The following ZFAND4 variants were observed in gnomAD, a reference collection of about 807,000 sequenced individuals.
ZFAND4 encodes zinc finger AN1-type containing 4, also known as AN1-type zinc finger protein 4.
Under a neutral mutation model 64.4 loss-of-function variants are expected in ZFAND4, and 43 were observed. The ratio of observed to expected loss-of-function variants is 0.67; its 90% CI spans 0.52 to 0.86. The LOEUF is 0.86. Among genes scored for constraint, ZFAND4 ranks in the 40% least tolerant of loss-of-function variants. The pLI is 0.00. For missense variants in ZFAND4, 929 were observed against 859.8 expected (o/e 1.08, Z -1.01); for synonymous variants, 296 against 305.7 (o/e 0.97, Z 0.33).
chr10:45,671,420 G>A (rs1041117478), intron 1 of ZFAND4, among the ~76,000 whole-genome samples: 1 of 152,134 alleles, frequency 6.6e-6, no homozygotes, highest in Admixed American at 6.5e-5. Context: ...GCAAAGACTT[G>A]GAACCAACCC....
At chr10:45,636,041 C>T (rs1356877093) in intron 6 of ZFAND4, among the ~76,000 whole-genome samples, 2 of 151,652 alleles carry the variant, frequency 1.3e-5, no homozygotes, top group African/African-American at 4.8e-5. Context: ...ATGCAAAAAT[C>T]CTAAAGAAAA....
intron 1 of ZFAND4, among the ~76,000 whole-genome samples, 167 bp downstream of exon 1, chr10:45,672,083 A>G (rs2049236225): frequency 6.6e-6 from 1 of 152,222 alleles, no homozygotes; most frequent in African/African-American, 2.4e-5. Context: ...ACACAGATCT[A>G]CATTTACTGA....
intron 6 of ZFAND4, among the ~76,000 whole-genome samples, chr10:45,635,195 C>CAAAAAAAAAAAAAAAAAAAA (rs1173808756): frequency 2.5e-4 from 7 of 27,584 alleles, no homozygotes; most frequent in African/African-American, 3.4e-4. Context: ...GCCATCTAAG[C>CAAAAAAAAAAAAAAAAAAAA]AAAAAAAAAA....
Position 45,626,214 on chromosome 10 carries a change from T to A in ZFAND4, c.1609A>T (p.Arg537Ter). ...TCAACTTTGGAAATAACATCAGATC[T>A]TTTCCCAAGTGAATCAACTTTAACA... ...QGVKVDSLGKRSDVISKVEAR... is the reference protein window; with the variant it reads ...QGVKVDSLGK Residue 537 changes from arginine to a stop codon, truncating the protein, a stop_gained, in exon 7 of 10, where the codon AGA (arginine) becomes TGA (stop). Transcript: ENST00000344646. LOFTEE classifies it high-confidence loss of function. 6.2e-7 allele frequency: 1 copy of A among 1,614,186 alleles called. No homozygotes were observed. Among genetic ancestry groups the A allele is most frequent in the Non-Finnish European group, 8.5e-7 (1 of 1,180,028 alleles).
chr10:45,619,876 C>A (rs2133509220), intron 8 of ZFAND4, among the ~76,000 whole-genome samples: 1 of 152,288 alleles, frequency 6.6e-6, no homozygotes, highest in South Asian at 2.1e-4. Context: ...TAAACGTTTT[C>A]TTTCTCAAGT....
chr10:45,644,015 A>C (rs2047206587), intron 5 of ZFAND4, among the ~76,000 whole-genome samples: 1 of 152,236 alleles, frequency 6.6e-6, no homozygotes, highest in African/African-American at 2.4e-5. Context: ...ATATTCACCC[A>C]ATCATGTATT....
At chr10:45,637,876 C>T (rs1366844384) in intron 6 of ZFAND4, among the ~76,000 whole-genome samples, 2 of 152,058 alleles carry the variant, frequency 1.3e-5, no homozygotes, top group Non-Finnish European at 2.9e-5. Flanking sequence ...TATCTGCAAC[C>T]CATATATCTG....
chr10:45,627,010 G>T lies in ZFAND4; in HGVS notation c.813C>A (p.Val271=). ...AACAAGATTGACCAATGTTGGGGAG[G>T]ACCCTTAACAATCGGTGGCGAGATG... is the stretch of plus-strand genomic sequence containing the variant. ...TAPSRHRLLR[V]LPNIGQSCSP... is the part of the protein sequence containing the mutation. The change falls in exon 7 of 10, where the codon GTC becomes GTA. Residue 271 remains valine (V), a synonymous_variant. Coordinates refer to ENST00000344646, the MANE Select transcript of ZFAND4 (RefSeq NM_174890.4). 1 of 1,611,488 alleles carries T rather than the reference G, an allele frequency of 6.2e-7. No individual in the cohort carries two copies. Among genetic ancestry groups the T allele is most frequent in the African/African-American group, 1.3e-5 (1 of 75,016 alleles).
intron 1 of ZFAND4, among the ~76,000 whole-genome samples, chr10:45,671,765 G>C (rs978184577): frequency 4.6e-5 from 7 of 151,444 alleles, no homozygotes; most frequent in African/African-American, 1.7e-4. Flanking sequence ...AAACCAACAT[G>C]GCACATGTAT....
intron 5 of ZFAND4, among the ~76,000 whole-genome samples, chr10:45,643,716 C>T (rs1035498404): frequency 1.3e-5 from 2 of 148,330 alleles, no homozygotes; most frequent in African/African-American, 4.9e-5. Context: ...GCATGATCCA[C>T]TAAAAAGATT....
intron 5 of ZFAND4, among the ~76,000 whole-genome samples, chr10:45,644,918 G>A (rs2047267630): frequency 6.6e-6 from 1 of 151,158 alleles, no homozygotes; most frequent in South Asian, 2.1e-4. Context: ...ATGGGGTGAT[G>A]TGTGAAACAG....
intron 5 of ZFAND4, among the ~76,000 whole-genome samples, chr10:45,647,627 T>C (rs2047476406): frequency 6.6e-6 from 1 of 152,082 alleles, no homozygotes. Context: ...TATCTTTTTA[T>C]AACATCACCA....
At chr10:45,638,894 G>GT (rs2046804047) in intron 6 of ZFAND4, among the ~76,000 whole-genome samples, 1 of 152,130 alleles carries the variant, frequency 6.6e-6, no homozygotes, top group South Asian at 2.1e-4. Context: ...TAGGAAAAAC[G>GT]TATTTACGGT....
chr10:45,643,445 C>T (rs1165921360), intron 5 of ZFAND4, among the ~76,000 whole-genome samples: 2 of 151,014 alleles, frequency 1.3e-5, no homozygotes, highest in Non-Finnish European at 3.0e-5. Flanking sequence ...CCGAGGTGGG[C>T]GGATCACCAG....
chr10:45,635,628 C>T (rs2046548102), intron 6 of ZFAND4, among the ~76,000 whole-genome samples: 1 of 152,076 alleles, frequency 6.6e-6, no homozygotes, highest in Non-Finnish European at 1.5e-5. Flanking sequence ...GTTCATAGCA[C>T]CATTATTCAC....
Position 45,626,129 on chromosome 10 carries a change from T to C in ZFAND4, c.1694A>G (p.Asn565Ser), listed in dbSNP as rs1471456091. ...KASKEPVGCV[N>S]NISFLASLAG... Reference sequence around the variant, plus strand: ...CAGTGAGGCAAGAAAACTGATATTATTTACACAACCAACAGGCTCTTTGGA... The same window carrying C: ...CAGTGAGGCAAGAAAACTGATATTACTTACACAACCAACAGGCTCTTTGGA... Residue 565 changes from asparagine (N) to serine (S), a missense_variant, in exon 7 of 10, where the codon AAT (asparagine) becomes AGT (serine). Asn to Ser is a conservative substitution (Grantham distance 46). Coordinates refer to ENST00000344646, the MANE Select transcript of ZFAND4 (RefSeq NM_174890.4). The C allele has an allele frequency of 6.2e-7, 1 of 1,614,136 alleles. No individual in the cohort carries two copies. Among genetic ancestry groups the C allele is most frequent in the South Asian group, 1.1e-5 (1 of 91,084 alleles).
chr10:45,625,712 T>C (rs1455564924), intron 7 of ZFAND4, among the ~76,000 whole-genome samples: 2 of 152,166 alleles, frequency 1.3e-5, no homozygotes, highest in South Asian at 2.1e-4. Flanking sequence ...TATACATACA[T>C]ATCTGATAAA....
At chr10:45,661,302 C>T (rs2048456742) in intron 2 of ZFAND4, among the ~76,000 whole-genome samples, 1 of 152,114 alleles carries the variant, frequency 6.6e-6, no homozygotes, top group African/African-American at 2.4e-5. Context: ...TTCGGCACTC[C>T]AGTCCCTTTT....
chr10:45,628,874 AT>A (rs1383986782), intron 6 of ZFAND4, among the ~76,000 whole-genome samples: 2 of 140,514 alleles, frequency 1.4e-5, no homozygotes, highest in Non-Finnish European at 3.1e-5. Context: ...AGGCAAAAGT[AT>A]GGAGAAGTAT....
Sources: gnomAD v4.1 joint callset for allele counts (sites outside exome capture counted in the v4.1 genomes callset) on GRCh38, gnomAD v4.1.1 for gene constraint, MANE v1.5 for transcripts, NCBI Gene and HGNC (gene_info 2026-07-23, HGNC 2026-07-21) for gene names.